Variants in ATP10B observed in about 807,000 individuals in gnomAD.
The protein encoded by ATP10B is phospholipid-transporting ATPase VB.
ATP10B carries 122 observed loss-of-function variants against 141.2 expected under a neutral mutation model. The observed-to-expected ratio is 0.86, with a 90% CI of 0.75 to 1.00. The LOEUF is 1.00. Ranked by LOEUF, ATP10B falls within the 50% of genes least tolerant of loss-of-function variation. The probability of loss-of-function intolerance (pLI) is 0.00; values close to 1 mark genes in which losing one functional copy is unlikely to be tolerated. For missense variants in ATP10B, 1,876 were observed against 1,825.3 expected (o/e 1.03, Z -0.51); for synonymous variants, 685 against 692.0 (o/e 0.99, Z 0.16).
At chr5:160,874,364 C>A in the ATP10B span, among the ~76,000 whole-genome samples, 1 of 152,046 alleles carries the variant, frequency 6.6e-6, no homozygotes, top group Non-Finnish European at 1.5e-5. Context: ...AAAGGACATC[C>A]ACACCAAAAA....
chr5:160,571,002 T>G (rs1452723466), intron 24 of ATP10B, among the ~76,000 whole-genome samples: 3 of 152,230 alleles, frequency 2.0e-5, no homozygotes, highest in Non-Finnish European at 2.9e-5. Context: ...TGCTTGCTTT[T>G]ATAACTTTTT....
At chr5:160,739,283 G>A (rs1489235201) in intron 2 of ATP10B, among the ~76,000 whole-genome samples, 5 of 152,176 alleles carry the variant, frequency 3.3e-5, no homozygotes, top group African/African-American at 4.8e-5. Context: ...AGGCAAGGAT[G>A]TCTACTCTCG....
At chr5:160,869,853 G>T in the ATP10B span, among the ~76,000 whole-genome samples, 1 of 152,126 alleles carries the variant, frequency 6.6e-6, no homozygotes, top group African/African-American at 2.4e-5. Context: ...CTGTCATGAG[G>T]GGCCAATATT....
At chr5:160,663,743 A>G (rs1411848762) in intron 7 of ATP10B, among the ~76,000 whole-genome samples, 1 of 151,916 alleles carries the variant, frequency 6.6e-6, no homozygotes, top group African/African-American at 2.4e-5. Flanking sequence ...TACATATGTA[A>G]CAAACCTGCA....
chr5:160,590,230 T>C (rs568398919), intron 23 of ATP10B, among the ~76,000 whole-genome samples: 1 of 152,180 alleles, frequency 6.6e-6, no homozygotes, highest in African/African-American at 2.4e-5. Flanking sequence ...TCCAGAGTCC[T>C]ACATTGTAGG....
chr5:160,917,921 G>C, the ATP10B span, among the ~76,000 whole-genome samples: 5 of 152,332 alleles, frequency 3.3e-5, no homozygotes, highest in Non-Finnish European at 7.3e-5. Flanking sequence ...GGACACTGTG[G>C]AGCAGGGTGA....
At chr5:160,716,590 A>G (rs976585393) in intron 3 of ATP10B, among the ~76,000 whole-genome samples, 1 of 152,234 alleles carries the variant, frequency 6.6e-6, no homozygotes, top group African/African-American at 2.4e-5. Context: ...TCCACTGGGA[A>G]GACGATACAT....
intron 7 of ATP10B, among the ~76,000 whole-genome samples, chr5:160,658,621 C>A (rs1385882563): frequency 6.6e-6 from 1 of 152,154 alleles, no homozygotes; most frequent in Non-Finnish European, 1.5e-5. Flanking sequence ...ATTGTACCAG[C>A]CAGGCCAGGC....
At chr5:160,866,301 ACT>A in the ATP10B span, among the ~76,000 whole-genome samples, 3 of 152,260 alleles carry the variant, frequency 2.0e-5, no homozygotes, top group East Asian at 5.8e-4. Flanking sequence ...AAGTGAAGTA[ACT>A]CAGGAATAGA....
intron 2 of ATP10B, among the ~76,000 whole-genome samples, chr5:160,757,826 G>A (rs368036967): frequency 9.9e-4 from 151 of 152,168 alleles, no homozygotes; most frequent in Middle Eastern, 3.4e-3. Flanking sequence ...AGAACTATTC[G>A]CATTTTAGGC....
chr5:160,766,378 A>T (rs1769425829), intron 2 of ATP10B, among the ~76,000 whole-genome samples: 1 of 128,972 alleles, frequency 7.8e-6, no homozygotes, highest in Admixed American at 7.8e-5. Context: ...ACACACACAC[A>T]CACACAGACA....
intron 3 of ATP10B, among the ~76,000 whole-genome samples, chr5:160,691,350 G>T (rs1033717794): frequency 6.6e-6 from 1 of 152,034 alleles, no homozygotes; most frequent in Non-Finnish European, 1.5e-5. Flanking sequence ...AGAACTTAAA[G>T]TATAATAATG....
chr5:160,865,127 G>A, the ATP10B span, among the ~76,000 whole-genome samples: 3 of 151,944 alleles, frequency 2.0e-5, no homozygotes, highest in African/African-American at 7.2e-5. Context: ...GCACTACTAG[G>A]CAAAAAGTAC....
At chr5:160,590,833 C>G (rs1293447893) in intron 23 of ATP10B, among the ~76,000 whole-genome samples, 2 of 152,090 alleles carry the variant, frequency 1.3e-5, no homozygotes, top group Admixed American at 6.5e-5. Context: ...GAAAAAATGA[C>G]CCAGTATAAA....
chr5:160,621,039 C>G, intron 14 of ATP10B, 89 bp from the exon 15 acceptor site: 1 of 1,460,278 alleles, frequency 6.8e-7, no homozygotes, highest in Non-Finnish European at 9.2e-7. Flanking sequence ...GGTACTTTTG[C>G]AATAAGTGAA....
intron 2 of ATP10B, among the ~76,000 whole-genome samples, chr5:160,725,647 G>A (rs1017139588): frequency 7.9e-5 from 12 of 152,070 alleles, no homozygotes; most frequent in African/African-American, 1.2e-4. Context: ...GGGTTTCACC[G>A]TGTTAGCCAG....
At position 160,589,699 on chromosome 5, in the gene ATP10B, G is replaced by T. The variant is rs1756150513; in HGVS notation, c.3646-3C>A. On this transcript the variant is annotated splice_region_variant and splice_polypyrimidine_tract_variant and intron_variant, in intron 23 of 25. Transcript: ENST00000327245. ...TCTATATCAGAGCCCTTATAGGCCTGCAGAGGAGGAACAGACAGGCATTGT... is the reference window on the plus strand; with the variant it reads ...TCTATATCAGAGCCCTTATAGGCCTTCAGAGGAGGAACAGACAGGCATTGT... 6.2e-7 allele frequency: 1 copy of T among 1,607,330 alleles called. No homozygotes were observed. The highest frequency in any genetic ancestry group is 1.7e-5 in the Admixed American group (1 of 59,976).
intron 2 of ATP10B, among the ~76,000 whole-genome samples, chr5:160,771,540 T>A (rs998464152): frequency 3.9e-5 from 6 of 152,212 alleles, no homozygotes; most frequent in Non-Finnish European, 8.8e-5. Context: ...TGATTGTGTG[T>A]ATTTAAGAAA....
the ATP10B span, among the ~76,000 whole-genome samples, chr5:160,864,829 A>C: frequency 3.5e-3 from 531 of 152,078 alleles, 1 homozygote; most frequent in African/African-American, 0.011. Flanking sequence ...CAGCTGCAAA[A>C]AAATAAAATA....
Sources: gnomAD v4.1 joint callset for allele counts (sites outside exome capture counted in the v4.1 genomes callset) on GRCh38, gnomAD v4.1.1 for gene constraint, MANE v1.5 for transcripts, NCBI Gene and HGNC (gene_info 2026-07-23, HGNC 2026-07-21) for gene names.